Variants in CEP70 observed in about 807,000 individuals in gnomAD.
CEP70 encodes centrosomal protein 70, also known as centrosomal protein of 70 kDa.
In CEP70, 70 loss-of-function variants were observed where a neutral mutation model predicts 90.9. The ratio of observed to expected loss-of-function variants is 0.77; its 90% confidence interval spans 0.64 to 0.94. The LOEUF (loss-of-function observed/expected upper bound fraction) is 0.94, where lower values mean the gene tolerates loss of function less well. Ranked by LOEUF, CEP70 falls within the 40% of genes least tolerant of loss-of-function variation. The pLI, the probability that CEP70 is intolerant of heterozygous loss-of-function variation, is 0.00. For missense variants in CEP70, 648 were observed against 669.0 expected (o/e 0.97, Z 0.35); for synonymous variants, 220 against 228.3 (o/e 0.96, Z 0.33).
At chr3:138,515,987 T>G (rs188074356) in intron 11 of CEP70, among the ~76,000 whole-genome samples, 2 of 152,272 alleles carry the variant, frequency 1.3e-5, no homozygotes, top group Admixed American at 1.3e-4. Flanking sequence ...CATCATGAAG[T>G]CCTATTAGTT....
chr3:138,571,253 A>G lies in CEP70; in HGVS notation c.160+13T>C. ...ACTTTTTACCTTAAGCATCAAGAATAGGATCTAATTACCTTTGAGATCTGT... is the reference window on the plus strand; with the variant it reads ...ACTTTTTACCTTAAGCATCAAGAATGGGATCTAATTACCTTTGAGATCTGT... On this transcript the variant is annotated intron_variant, in intron 4 of 17. Coordinates refer to ENST00000264982, the MANE Select transcript of CEP70 (RefSeq NM_024491.4). 7 of 1,590,786 alleles carry G rather than the reference A, an allele frequency of 4.4e-6. No homozygotes were observed. Among genetic ancestry groups the G allele is most frequent in the Non-Finnish European group, 6.0e-6 (7 of 1,168,074 alleles).
chr3:138,564,117 G>A (rs896958353), intron 6 of CEP70, among the ~76,000 whole-genome samples: 2 of 152,082 alleles, frequency 1.3e-5, no homozygotes, highest in African/African-American at 4.8e-5. Flanking sequence ...ATAAATTCCT[G>A]GACACATACA....
chr3:138,531,320 T>G (rs564672439), intron 8 of CEP70, among the ~76,000 whole-genome samples: 1 of 152,262 alleles, frequency 6.6e-6, no homozygotes, highest in Admixed American at 6.5e-5. Flanking sequence ...AAAGATTTCC[T>G]GATGGATATG....
chr3:138,575,314 T>C (rs974809264), intron 2 of CEP70, among the ~76,000 whole-genome samples: 4 of 152,148 alleles, frequency 2.6e-5, no homozygotes, highest in African/African-American at 9.7e-5. Flanking sequence ...ATGCACAAGC[T>C]TCAGTAGCTG....
chr3:138,543,644 T>C (rs969982719), intron 6 of CEP70, among the ~76,000 whole-genome samples: 3 of 152,178 alleles, frequency 2.0e-5, no homozygotes, highest in South Asian at 2.1e-4. Context: ...CACGCAGCCC[T>C]GCCTGCACCT....
intron 11 of CEP70, among the ~76,000 whole-genome samples, chr3:138,514,382 AT>A (rs2035810735): frequency 6.6e-6 from 1 of 152,206 alleles, no homozygotes; most frequent in Admixed American, 6.5e-5. Flanking sequence ...TCTTTGCAAT[AT>A]CTCTAACAGA....
At chr3:138,574,195 A>C (rs1322404885) in intron 2 of CEP70, among the ~76,000 whole-genome samples, 1 of 152,210 alleles carries the variant, frequency 6.6e-6, no homozygotes, top group African/African-American at 2.4e-5. Flanking sequence ...AGCCAAAGGA[A>C]GCCGTGACAG....
intron 4 of CEP70, 44 bp from the exon 5 acceptor site, chr3:138,571,201 C>CA (rs750041006): frequency 1.1e-5 from 17 of 1,545,248 alleles, no homozygotes; most frequent in South Asian, 3.7e-5. Context: ...AAATAAAAGG[C>CA]AAAAAAAATT....
intron 11 of CEP70, among the ~76,000 whole-genome samples, chr3:138,514,188 G>A (rs538089224): frequency 3.9e-5 from 6 of 152,226 alleles, no homozygotes; most frequent in East Asian, 3.9e-4. Context: ...TGAACATCTC[G>A]GAAGATGGTA....
chr3:138,586,419 C>T (rs1025711510), intron 2 of CEP70, among the ~76,000 whole-genome samples: 2 of 152,168 alleles, frequency 1.3e-5, no homozygotes, highest in Non-Finnish European at 2.9e-5. Flanking sequence ...GATTTGGAAG[C>T]AACCCAAGTG....
intron 11 of CEP70, among the ~76,000 whole-genome samples, chr3:138,513,543 T>C (rs1327026374): frequency 6.6e-6 from 1 of 152,226 alleles, no homozygotes; most frequent in African/African-American, 2.4e-5. Context: ...TCTGGGTGTA[T>C]GTCAGACTGT....
intron 17 of CEP70, chr3:138,497,478 TA>T: frequency 1.0e-6 from 1 of 966,772 alleles, no homozygotes; most frequent in Non-Finnish European, 1.2e-6. Flanking sequence ...ATAAGGTCTC[TA>T]TTTTGCCTTA....
At chr3:138,584,830 C>A (rs1201720780) in intron 2 of CEP70, among the ~76,000 whole-genome samples, 1 of 151,694 alleles carries the variant, frequency 6.6e-6, no homozygotes, top group Admixed American at 6.6e-5. Context: ...TATGACAGAC[C>A]CACAGGCAGT....
intron 6 of CEP70, among the ~76,000 whole-genome samples, chr3:138,548,089 A>G (rs950074824): frequency 6.6e-5 from 10 of 152,222 alleles, no homozygotes; most frequent in South Asian, 2.1e-4. Flanking sequence ...CTACAGACGA[A>G]TATCTATTAT....
At chr3:138,587,997 T>C (rs1240503851) in intron 2 of CEP70, among the ~76,000 whole-genome samples, 3 of 151,472 alleles carry the variant, frequency 2.0e-5, no homozygotes, top group Non-Finnish European at 4.4e-5. Context: ...GGAAAAACGA[T>C]AGTTTTTTTT....
chr3:138,514,579 A>T (rs2035832230), intron 11 of CEP70, among the ~76,000 whole-genome samples: 1 of 152,128 alleles, frequency 6.6e-6, no homozygotes, highest in Non-Finnish European at 1.5e-5. Flanking sequence ...AGAAATAAAA[A>T]TTTTTAAAGT....
intron 8 of CEP70, 32 bp downstream of exon 8, chr3:138,532,482 C>T: frequency 6.8e-7 from 1 of 1,466,910 alleles, no homozygotes; most frequent in Admixed American, 2.8e-5. Context: ...GGATTAAAAC[C>T]TTTAAAAACT....
At chr3:138,535,117 T>C (rs1027636835) in intron 7 of CEP70, among the ~76,000 whole-genome samples, 1 of 152,198 alleles carries the variant, frequency 6.6e-6, no homozygotes, top group Admixed American at 6.5e-5. Flanking sequence ...ACTTTCCATA[T>C]TGTCATATTG....
At chr3:138,559,713 A>G (rs1381159645) in intron 6 of CEP70, among the ~76,000 whole-genome samples, 1 of 152,232 alleles carries the variant, frequency 6.6e-6, no homozygotes, top group Non-Finnish European at 1.5e-5. Context: ...CAACAGAGCA[A>G]GACTCTATAC....
Sources: allele counts gnomAD v4.1 joint callset (sites outside exome capture counted in the v4.1 genomes callset), GRCh38; gene constraint gnomAD v4.1.1; transcripts MANE v1.5; gene names NCBI Gene and HGNC (gene_info 2026-07-23, HGNC 2026-07-21).